NXF3: variants seen among roughly 807,000 people sequenced by gnomAD.
NXF3 encodes the protein TAP-like protein 3.
In NXF3, 34 loss-of-function variants were observed where a neutral mutation model predicts 48.4. That is an observed-to-expected ratio of 0.70 (90% CI 0.53 to 0.93). The LOEUF is 0.93. Among genes scored for constraint, NXF3 ranks in the 40% least tolerant of loss-of-function variants. NXF3 has a pLI of 0.00. For synonymous variants in NXF3, 132 were observed against 145.7 expected, an observed-to-expected ratio of 0.91 and a Z score of 0.68; for missense variants, 359 against 406.1, an observed-to-expected ratio of 0.88 and a Z score of 1.00.
In NXF3 at chrX:103,084,849, T is replaced by G; in HGVS notation, c.63A>C (p.Arg21Ser). ...ATCTCCTTTGGTAAATATCCCAACATCTTGCTCTTCTTTGAACAACTTGAT... is the reference window on the plus strand; with the variant it reads ...ATCTCCTTTGGTAAATATCCCAACAGCTTGCTCTTCTTTGAACAACTTGAT... Reference protein sequence around the residue: ...HTDQVVQRRARCWDIYQRRFS... With the variant: ...HTDQVVQRRASCWDIYQRRFS... Residue 21 changes from arginine (R) to serine (S), a missense_variant, in exon 2 of 20, where the codon AGA (arginine) becomes AGC (serine). Arg to Ser is a moderately radical substitution (Grantham distance 110). Transcript: ENST00000395065. The G allele has an allele frequency of 2.5e-6, 3 of 1,211,808 alleles. No homozygotes were observed. Among genetic ancestry groups the G allele is most frequent in the Non-Finnish European group, 3.4e-6 (3 of 895,207 alleles).
intron 1 of NXF3, among the ~76,000 whole-genome samples, chrX:103,085,772 G>A (rs1233083837): frequency 1.8e-5 from 2 of 108,525 alleles, no homozygotes; most frequent in African/African-American, 6.7e-5. Context: ...GCGTGATGGC[G>A]GGCGCCTGTA....
In NXF3 at chrX:103,076,972, C is replaced by T. The variant is rs187583522; in HGVS notation, c.1584+642G>A. Among the ~76,000 whole-genome samples, 620 of 110,914 alleles carry T rather than the reference C, an allele frequency of 5.6e-3. 3 individuals are homozygous for T. Among genetic ancestry groups the T allele is most frequent in the Non-Finnish European group, 9.6e-3 (507 of 53,079 alleles). On this transcript the variant is annotated intron_variant, in intron 18 of 19. Coordinates refer to ENST00000395065, the MANE Select transcript of NXF3 (RefSeq NM_022052.2). ...CTTTGAAAGGCATAGACCTGTCTCC[C>T]GGGCACATGTCCTTAACTTTGGCAA...
At chrX:103,088,372 T>C in intron 1 of NXF3, 3 of 548,338 alleles carry the variant, frequency 5.5e-6, no homozygotes, top group Non-Finnish European at 6.2e-6. Context: ...ACATGGAACA[T>C]ATAAAACAAT....
At chrX:103,088,316 C>T (rs1007890481) in intron 1 of NXF3, 12 of 538,853 alleles carry the variant, frequency 2.2e-5, no homozygotes, top group African/African-American at 1.8e-4. Flanking sequence ...TCTGGTGAGC[C>T]GTGCTCTGAA....
chrX:103,092,475 G>A (rs973211932), intron 1 of NXF3, among the ~76,000 whole-genome samples: 3 of 112,693 alleles, frequency 2.7e-5, no homozygotes, highest in Non-Finnish European at 5.6e-5. Context: ...TAAAACCACT[G>A]TGATGTGGGA....
intron 10 of NXF3, 117 bp downstream of exon 10, chrX:103,080,459 T>G: frequency 3.8e-6 from 3 of 786,694 alleles, no homozygotes; most frequent in Non-Finnish European, 5.8e-6. Context: ...CCCACTCCCT[T>G]GAGGTTTAAG....
chrX:103,092,172 C>T (rs1377815518), intron 1 of NXF3, among the ~76,000 whole-genome samples: 1 of 109,452 alleles, frequency 9.1e-6, no homozygotes, highest in East Asian at 2.8e-4. Flanking sequence ...TATTTACGGA[C>T]ATAGTTTGAT....
chrX:103,076,030 T>A (rs1921863278), intron 19 of NXF3, 30 bp from the exon 20 acceptor site: 1 of 374,952 alleles, frequency 2.7e-6, no homozygotes, highest in African/African-American at 2.5e-5. Flanking sequence ...GGGAAGATGA[T>A]GAGGCTGAAG....
rs752700364 is a variant in NXF3 at position 103,084,744 on chromosome X, A to G, written c.168T>C (p.His56=). ...HQQQDGDAAM[H]GAHMDSPVRY... The stretch of plus-strand genomic sequence containing the variant: ...TTACTGGAGAGTCCATGTGGGCACC[A>G]TGCATTGCTGCATCTCCATCTTGCT... The change falls in exon 2 of 20, where the codon CAT becomes CAC. Residue 56 remains histidine, a synonymous_variant. Coordinates refer to ENST00000395065, the MANE Select transcript of NXF3 (RefSeq NM_022052.2). 8.2e-7 allele frequency: 1 copy of G among 1,212,129 alleles called. No individual in the cohort carries two copies. The highest frequency in any genetic ancestry group is 1.1e-6 in the Non-Finnish European group (1 of 895,596).
intron 1 of NXF3, among the ~76,000 whole-genome samples, chrX:103,085,962 C>T (rs1922143104): frequency 1.9e-5 from 2 of 104,868 alleles, no homozygotes; most frequent in African/African-American, 6.9e-5. Context: ...ATATCTAACA[C>T]TACTTCTCCA....
chrX:103,084,425 T>G lies in NXF3; in HGVS notation c.268A>C (p.Met90Leu), dbSNP rs753118196. Reference sequence around the variant, plus strand: ...TCTGGAGGTTTTTGCTCTCTCTCCATGTTAACGTGGGTTTGGTCTTGTTTA... The same window carrying G: ...TCTGGAGGTTTTTGCTCTCTCTCCAGGTTAACGTGGGTTTGGTCTTGTTTA... Reference protein sequence around the residue: ...FRKQDQTHVNMEREQKPPERR... With the variant: ...FRKQDQTHVNLEREQKPPERR... Residue 90 changes from methionine (M) to leucine (L), a missense_variant, in exon 3 of 20, where the codon ATG becomes CTG. Transcript: ENST00000395065. The G allele has an allele frequency of 1.6e-5, 19 of 1,211,509 alleles. No homozygotes were observed. The South Asian group carries it at 3.0e-4, about 19-fold the overall frequency.
At position 103,076,388 on chromosome X, in the gene NXF3, C is replaced by G. The variant is rs368907105; in HGVS notation, c.1585-87G>C. On this transcript the variant is annotated intron_variant, in intron 18 of 19. Coordinates refer to ENST00000395065, the MANE Select transcript of NXF3 (RefSeq NM_022052.2). ...CAATGCCATTTCTTAATCTATGCAA[C>G]AGAAACATGTCTGTGTTTTCTGGAA... 5 of 979,968 alleles carry G rather than the reference C, an allele frequency of 5.1e-6. No individual in the cohort carries two copies. The African/African-American group carries it at 5.7e-5, about 11-fold the overall frequency. 80.8% of individuals were successfully genotyped at this position (979,968 alleles called of 1,213,427 possible).
rs943673378 is a variant in NXF3, at chrX:103,089,151, C to T, written c.28+3845G>A. 2.5e-4 allele frequency: 190 copies of T among 774,267 alleles called. 3 individuals carry two copies. The highest frequency in any genetic ancestry group is 4.0e-5 in the Non-Finnish European group (20 of 501,562). 63.8% of individuals were successfully genotyped at this position (774,267 alleles called of 1,213,427 possible). On this transcript the variant is annotated intron_variant, in intron 1 of 19. Transcript: ENST00000395065. ...AAAACACTAACTAATTCATGCAGGG[C>T]AGAAACTATTTGAATGCTCAGTTTG...
chrX:103,086,820 T>C, intron 1 of NXF3, among the ~76,000 whole-genome samples: 1 of 111,629 alleles, frequency 9.0e-6, no homozygotes, highest in East Asian at 2.8e-4. Flanking sequence ...AGAGAAAATA[T>C]ATACTTTAAG....
At chrX:103,086,129 T>A (rs771833009) in intron 1 of NXF3, among the ~76,000 whole-genome samples, 1 of 106,932 alleles carries the variant, frequency 9.4e-6, no homozygotes, top group South Asian at 4.2e-4. Context: ...AATTATTTTT[T>A]AAAAAATTAG....
chrX:103,084,476 G>T lies in NXF3; in HGVS notation c.217C>A (p.Pro73Thr), dbSNP rs755675980. Residue 73 changes from proline to threonine, a missense_variant, in exon 3 of 20, where the codon CCC becomes ACC. Transcript: ENST00000395065. Reference sequence around the variant, plus strand: ...CGAAAACTGCCTTTCCGATTATAGGGTGAAATAGTATAGGGAGTGCTGTGA... The same window carrying T: ...CGAAAACTGCCTTTCCGATTATAGGTTGAAATAGTATAGGGAGTGCTGTGA... ...PVRYTPYTIS[P>T]YNRKGSFRKQ... 2.8e-5 allele frequency: 34 copies of T among 1,211,658 alleles called. No homozygotes were observed. The highest frequency in any genetic ancestry group is 3.5e-5 in the Non-Finnish European group (31 of 895,403).
At chrX:103,088,748 A>G (rs1429625775) in intron 1 of NXF3, 1 of 1,086,859 alleles carries the variant, frequency 9.2e-7, no homozygotes, top group Admixed American at 2.6e-5. Flanking sequence ...TTAGACAGTC[A>G]GCTCACTTAA....
Position 103,083,674 on chromosome X carries a change from A to G in NXF3, c.370T>C (p.Tyr124His). 8.3e-7 allele frequency: 1 copy of G among 1,204,087 alleles called. No individual in the cohort carries two copies. The highest frequency in any genetic ancestry group is 1.1e-6 in the Non-Finnish European group (1 of 888,681). Residue 124 changes from tyrosine (Y) to histidine (H), a missense_variant, in exon 4 of 20, where the codon TAC becomes CAC. Physicochemically the swap from Tyr to His is moderately conservative, Grantham distance 83. Coordinates refer to ENST00000395065, the MANE Select transcript of NXF3 (RefSeq NM_022052.2). ...AAATTCAGCAGCCACTTCTCATTGT[A>G]TTTTATGCCAAAGGGAACCTATGAG... ...FKITVPFGIK[Y>H]NEKWLLNLIQ...
intron 1 of NXF3, among the ~76,000 whole-genome samples, chrX:103,090,510 A>T (rs1293202989): frequency 8.9e-6 from 1 of 112,265 alleles, no homozygotes; most frequent in Non-Finnish European, 1.9e-5. Context: ...TTCAGGAATG[A>T]CATTTTCTAG....
Sources: gnomAD v4.1 joint callset for allele counts (sites outside exome capture counted in the v4.1 genomes callset) on GRCh38, gnomAD v4.1.1 for gene constraint, MANE v1.5 for transcripts, NCBI Gene and HGNC (gene_info 2026-07-23, HGNC 2026-07-21) for gene names.